OSBPL6: variants seen among roughly 807,000 people sequenced by gnomAD.
OSBPL6 encodes oxysterol binding protein like 6.
Under a neutral mutation model 125.8 loss-of-function variants are expected in OSBPL6, and 49 were observed. The observed-to-expected ratio is 0.39, with a 90% CI of 0.31 to 0.49. The LOEUF (loss-of-function observed/expected upper bound fraction) is 0.49. Ranked by LOEUF, OSBPL6 falls within the 20% of genes least tolerant of loss-of-function variation. The probability of loss-of-function intolerance (pLI) is 0.88; values close to 1 mark genes in which losing one functional copy is unlikely to be tolerated. For missense variants in OSBPL6, 986 were observed against 1,135.4 expected (o/e 0.87, Z 1.89); for synonymous variants, 394 against 391.8 (o/e 1.01, Z -0.07).
At chr2:178,389,614 C>T (rs1167584898) in intron 21 of OSBPL6, among the ~76,000 whole-genome samples, 1 of 152,180 alleles carries the variant, frequency 6.6e-6, no homozygotes, top group African/African-American at 2.4e-5. Context: ...GCTTATCCAA[C>T]CCTGCCACTG....
intron 1 of OSBPL6, among the ~76,000 whole-genome samples, chr2:178,278,070 C>T (rs1180046699): frequency 6.6e-6 from 1 of 152,186 alleles, no homozygotes; most frequent in Non-Finnish European, 1.5e-5. Context: ...ACTACACTTT[C>T]CCGTCTCTTG....
intron 13 of OSBPL6, among the ~76,000 whole-genome samples, chr2:178,369,330 C>T (rs1042596553): frequency 3.9e-5 from 6 of 152,020 alleles, no homozygotes; most frequent in African/African-American, 1.4e-4. Flanking sequence ...ATGATTTGCC[C>T]CATAAAGTAT....
chr2:178,368,467 G>A (rs1029339346), intron 13 of OSBPL6, among the ~76,000 whole-genome samples: 2 of 152,136 alleles, frequency 1.3e-5, no homozygotes, highest in African/African-American at 4.8e-5. Context: ...AACTCAACAT[G>A]CTTAACATCT....
At chr2:178,212,301 T>A (rs1325717665) in intron 1 of OSBPL6, among the ~76,000 whole-genome samples, 1 of 152,208 alleles carries the variant, frequency 6.6e-6, no homozygotes, top group African/African-American at 2.4e-5. Context: ...CCGAGTTCTT[T>A]TAGTCACTGA....
intron 1 of OSBPL6, among the ~76,000 whole-genome samples, chr2:178,207,335 CTG>C (rs2089592527): frequency 6.6e-6 from 1 of 152,108 alleles, no homozygotes; most frequent in Non-Finnish European, 1.5e-5. Flanking sequence ...TTTTCTTTGT[CTG>C]TGTCAGAACT....
intron 2 of OSBPL6, among the ~76,000 whole-genome samples, chr2:178,292,341 A>G (rs1685362813): frequency 2.0e-5 from 3 of 152,174 alleles, no homozygotes; most frequent in Admixed American, 2.0e-4. Flanking sequence ...TTGCATATCA[A>G]ATGATTAATG....
intron 1 of OSBPL6, among the ~76,000 whole-genome samples, chr2:178,206,688 CACTGCA>C (rs1478096147): frequency 2.0e-5 from 3 of 152,076 alleles, no homozygotes; most frequent in African/African-American, 7.2e-5. Flanking sequence ...GATCTCGGCT[CACTGCA>C]ACCTCTGCCT....
intron 3 of OSBPL6, among the ~76,000 whole-genome samples, chr2:178,315,171 A>G (rs1687626827): frequency 6.6e-6 from 1 of 152,128 alleles, no homozygotes; most frequent in Non-Finnish European, 1.5e-5. Flanking sequence ...AGAAGTTTTG[A>G]TCATCTTTTT....
In OSBPL6 at chr2:178,349,397, CA is replaced by C; in HGVS notation, c.1153+13del. The C allele has an allele frequency of 6.2e-7, 1 of 1,612,556 alleles. No homozygotes were observed. Among genetic ancestry groups the C allele is most frequent in the Non-Finnish European group, 8.5e-7 (1 of 1,179,122 alleles). On this transcript the variant is annotated intron_variant, in intron 12 of 24. Transcript: ENST00000190611. The stretch of plus-strand genomic sequence containing the variant: ...GTCTAATCGCACAGAAAGGTAAGAA[CA>C]AAAATAATGCGCCCTTTAAAGAAGC...
intron 1 of OSBPL6, among the ~76,000 whole-genome samples, chr2:178,240,163 T>G (rs1454552518): frequency 6.6e-6 from 1 of 152,134 alleles, no homozygotes; most frequent in Non-Finnish European, 1.5e-5. Flanking sequence ...TTTTAACGGG[T>G]ACATAGTTTT....
At chr2:178,362,794 A>G (rs1341496848) in intron 13 of OSBPL6, among the ~76,000 whole-genome samples, 3 of 152,170 alleles carry the variant, frequency 2.0e-5, no homozygotes, top group African/African-American at 7.2e-5. Flanking sequence ...CACTTTCTGC[A>G]TTATCCATAA....
At chr2:178,265,620 T>C in intron 1 of OSBPL6, among the ~76,000 whole-genome samples, 1 of 152,068 alleles carries the variant, frequency 6.6e-6, no homozygotes. Flanking sequence ...TGGCTTTAAG[T>C]GGGAAGATTT....
At chr2:178,376,093 A>C (rs1302462107) in intron 15 of OSBPL6, among the ~76,000 whole-genome samples, 4 of 152,108 alleles carry the variant, frequency 2.6e-5, no homozygotes, top group Admixed American at 6.6e-5. Flanking sequence ...GTTACCTGTC[A>C]GGCATTTGCA....
chr2:178,256,142 G>A lies in OSBPL6; in HGVS notation c.-350-28785G>A, dbSNP rs142758287. ...TTTCTTCTTTGATGGCAGAAAAGCTGTGCAGTTCTGTGATGAATTAGAACA... is the reference window on the plus strand; with the variant it reads ...TTTCTTCTTTGATGGCAGAAAAGCTATGCAGTTCTGTGATGAATTAGAACA... On this transcript the variant is annotated intron_variant, in intron 1 of 24. Transcript: ENST00000190611. Among the ~76,000 whole-genome samples the A allele has an allele frequency of 8.5e-4, 129 of 152,280 alleles. No homozygotes were observed. The East Asian group carries it at 0.018, about 21-fold the overall frequency.
chr2:178,333,941 C>A (rs1303521885), intron 8 of OSBPL6, among the ~76,000 whole-genome samples: 1 of 152,152 alleles, frequency 6.6e-6, no homozygotes, highest in Non-Finnish European at 1.5e-5. Context: ...AGTGACATAG[C>A]CATTAAACAG....
chr2:178,293,345 C>T (rs369377114), intron 2 of OSBPL6, among the ~76,000 whole-genome samples: 1 of 152,046 alleles, frequency 6.6e-6, no homozygotes, highest in Non-Finnish European at 1.5e-5. Context: ...CCATTTTGGA[C>T]TTTTGTCCCA....
At chr2:178,194,965 A>G (rs550494251) in intron 1 of OSBPL6, among the ~76,000 whole-genome samples, 1 of 151,886 alleles carries the variant, frequency 6.6e-6, no homozygotes, top group African/African-American at 2.4e-5. Flanking sequence ...CCTCGTTGCC[A>G]GGGAATTCCG....
At chr2:178,339,803 A>C in intron 11 of OSBPL6, 39 bp downstream of exon 11, 1 of 1,488,848 alleles carries the variant, frequency 6.7e-7, no homozygotes, top group Non-Finnish European at 9.1e-7. Context: ...GTTTCTACAT[A>C]TTTTTAAAGT....
At chr2:178,212,925 A>T (rs1434212919) in intron 1 of OSBPL6, among the ~76,000 whole-genome samples, 1 of 151,666 alleles carries the variant, frequency 6.6e-6, no homozygotes, top group African/African-American at 2.4e-5. Context: ...CTCCCACCTC[A>T]GCCTCCCGAG....
Sources: gnomAD v4.1 joint callset for allele counts (sites outside exome capture counted in the v4.1 genomes callset) on GRCh38, gnomAD v4.1.1 for gene constraint, MANE v1.5 for transcripts, NCBI Gene and HGNC (gene_info 2026-07-23, HGNC 2026-07-21) for gene names.